Variants in THSD4 observed in about 807,000 individuals in gnomAD.
The protein encoded by THSD4 is thrombospondin type 1 domain containing 4, also known as thrombospondin type-1 domain-containing protein 4.
A neutral mutation model predicts 119.0 loss-of-function variants in THSD4; 69 were observed. The observed-to-expected ratio is 0.58, with a 90% CI of 0.48 to 0.71. The LOEUF is 0.71. THSD4 is among the 30% of genes least tolerant of loss of function. The pLI is 0.00. For synonymous variants in THSD4, 524 were observed against 540.4 expected (o/e 0.97, Z 0.42); for missense variants, 1,393 against 1,391.1 (o/e 1.00, Z -0.02).
chr15:71,322,965 C>T (rs886187607), intron 6 of THSD4, among the ~76,000 whole-genome samples: 2 of 151,946 alleles, frequency 1.3e-5, no homozygotes, highest in South Asian at 4.2e-4. Flanking sequence ...GGTGTGGTAA[C>T]ACACACCTGT....
intron 3 of THSD4, among the ~76,000 whole-genome samples, chr15:71,193,474 C>A (rs2043690449): frequency 6.6e-6 from 1 of 152,154 alleles, no homozygotes; most frequent in Non-Finnish European, 1.5e-5. Context: ...TCCAGATCCT[C>A]CTAGCTGCTT....
chr15:71,605,656 A>ATT (rs2050095208), intron 7 of THSD4, among the ~76,000 whole-genome samples: 1 of 152,192 alleles, frequency 6.6e-6, no homozygotes, highest in South Asian at 2.1e-4. Flanking sequence ...CTTTGGGAGG[A>ATT]AAGATCGAGA....
At chr15:71,548,274 G>C (rs1190893213) in intron 7 of THSD4, among the ~76,000 whole-genome samples, 2 of 152,096 alleles carry the variant, frequency 1.3e-5, no homozygotes, top group Admixed American at 6.5e-5. Context: ...TCCTTACCCT[G>C]ATGCCTGAGT....
chr15:71,430,574 T>C (rs529747344), intron 7 of THSD4, among the ~76,000 whole-genome samples: 1 of 151,860 alleles, frequency 6.6e-6, no homozygotes, highest in African/African-American at 2.4e-5. Flanking sequence ...CTGGCCGACA[T>C]GGTGAAATGG....
At chr15:71,372,254 C>T (rs184068575) in intron 6 of THSD4, among the ~76,000 whole-genome samples, 45 of 152,230 alleles carry the variant, frequency 3.0e-4, no homozygotes, top group African/African-American at 9.6e-4. Flanking sequence ...GAAGTTTGAT[C>T]GTCTGAAGCC....
At chr15:71,644,310 G>C (rs1356975677) in intron 7 of THSD4, among the ~76,000 whole-genome samples, 1 of 152,120 alleles carries the variant, frequency 6.6e-6, no homozygotes, top group Non-Finnish European at 1.5e-5. Context: ...CAATTGGTTA[G>C]GCCATTTTGT....
intron 7 of THSD4, among the ~76,000 whole-genome samples, chr15:71,596,651 T>C (rs886120231): frequency 3.3e-5 from 5 of 152,154 alleles, no homozygotes; most frequent in African/African-American, 9.7e-5. Flanking sequence ...AGGGTCTAGG[T>C]TGATCCTAAA....
intron 4 of THSD4, among the ~76,000 whole-genome samples, chr15:71,240,230 C>G (rs891564020): frequency 6.6e-6 from 1 of 152,194 alleles, no homozygotes; most frequent in African/African-American, 2.4e-5. Flanking sequence ...AAGCTCAAGT[C>G]AGTTTTGGTT....
At chr15:71,147,831 G>C (rs955900245) in intron 2 of THSD4, 3 of 152,054 alleles carry the variant, frequency 2.0e-5, no homozygotes, top group African/African-American at 4.8e-5. Context: ...TTAACTGGGT[G>C]TGGTTGCATA....
chr15:71,475,312 C>T (rs1425887423), intron 7 of THSD4, among the ~76,000 whole-genome samples: 2 of 152,172 alleles, frequency 1.3e-5, no homozygotes, highest in East Asian at 3.8e-4. Context: ...GGAAAAGGAA[C>T]ATGCATTTCA....
intron 7 of THSD4, among the ~76,000 whole-genome samples, chr15:71,618,379 C>A (rs900254334): frequency 3.9e-5 from 6 of 152,174 alleles, no homozygotes; most frequent in Non-Finnish European, 7.3e-5. Flanking sequence ...CTAAACTATA[C>A]GCATATGTGT....
At chr15:71,367,869 A>C (rs898341077) in intron 6 of THSD4, among the ~76,000 whole-genome samples, 2 of 152,218 alleles carry the variant, frequency 1.3e-5, no homozygotes, top group African/African-American at 2.4e-5. Flanking sequence ...ACTGTCTTCC[A>C]CAATGGTTGA....
At chr15:71,506,163 C>G (rs1353652086) in intron 7 of THSD4, among the ~76,000 whole-genome samples, 1 of 152,142 alleles carries the variant, frequency 6.6e-6, no homozygotes, top group Non-Finnish European at 1.5e-5. Context: ...GAGTTTATGG[C>G]CATGTTGTTC....
intron 7 of THSD4, among the ~76,000 whole-genome samples, chr15:71,645,107 T>C (rs1221180647): frequency 6.6e-6 from 1 of 152,120 alleles, no homozygotes; most frequent in Non-Finnish European, 1.5e-5. Flanking sequence ...TCAAAGCTGG[T>C]ACCTCAGGGC....
At chr15:71,686,892 CTG>C (rs1196972937) in intron 8 of THSD4, among the ~76,000 whole-genome samples, 4 of 152,190 alleles carry the variant, frequency 2.6e-5, no homozygotes, top group Non-Finnish European at 4.4e-5. Flanking sequence ...GGCTCAGAGA[CTG>C]TGTTTTGGTG....
chr15:71,350,046 A>G (rs1170597307), intron 6 of THSD4, among the ~76,000 whole-genome samples: 1 of 151,848 alleles, frequency 6.6e-6, no homozygotes, highest in Non-Finnish European at 1.5e-5. Flanking sequence ...TTAAATCTCC[A>G]TCTATATTTT....
At chr15:71,222,733 T>C (rs887345344) in intron 4 of THSD4, among the ~76,000 whole-genome samples, 1 of 152,194 alleles carries the variant, frequency 6.6e-6, no homozygotes, top group Non-Finnish European at 1.5e-5. Context: ...AGGAAAACTC[T>C]TGCCCAGGCG....
Position 71,692,165 on chromosome 15 carries a change from A to T in THSD4, c.1357+31431A>T, listed in dbSNP as rs573456218. Among the ~76,000 whole-genome samples the T allele has an allele frequency of 1.1e-4, 16 of 152,366 alleles. No homozygotes were observed. The South Asian group carries it at 3.3e-3, about 32-fold the overall frequency. The stretch of plus-strand genomic sequence containing the variant: ...ATTAATATATACAAAGGAGTGTTCC[A>T]GAACATCTAGGCACAGACTGATAAA... On this transcript the variant is annotated intron_variant, in intron 8 of 17. Transcript: ENST00000261862.
intron 7 of THSD4, among the ~76,000 whole-genome samples, chr15:71,606,259 A>G (rs1216897053): frequency 6.6e-6 from 1 of 152,216 alleles, no homozygotes; most frequent in African/African-American, 2.4e-5. Flanking sequence ...GACAAAGGTG[A>G]TTCCTCCAAG....
Sources: allele counts gnomAD v4.1 joint callset (sites outside exome capture counted in the v4.1 genomes callset), GRCh38; gene constraint gnomAD v4.1.1; transcripts MANE v1.5; gene names NCBI Gene and HGNC (gene_info 2026-07-23, HGNC 2026-07-21).